TLK1: variants seen among roughly 807,000 people sequenced by gnomAD.
TLK1 encodes the protein serine/threonine-protein kinase tousled-like 1.
In TLK1, 24 loss-of-function variants were observed where a neutral mutation model predicts 105.3. The observed-to-expected ratio is 0.23, with a 90% confidence interval of 0.17 to 0.32. The LOEUF is 0.32. Ranked by LOEUF, TLK1 falls within the 10% of genes least tolerant of loss-of-function variation. The pLI is 1.00. For missense variants in TLK1, 558 were observed against 910.5 expected (o/e 0.61, Z 4.98); for synonymous variants, 321 against 310.4 (o/e 1.03, Z -0.36).
chr2:171,079,063 T>C (rs1363319033), intron 3 of TLK1, among the ~76,000 whole-genome samples: 1 of 152,232 alleles, frequency 6.6e-6, no homozygotes, highest in Admixed American at 6.5e-5. Context: ...GTGGAATCAC[T>C]GAAGCAGCTG....
At chr2:171,224,730 A>G (rs1182228630) in intron 1 of TLK1, among the ~76,000 whole-genome samples, 3 of 152,168 alleles carry the variant, frequency 2.0e-5, no homozygotes, top group Non-Finnish European at 4.4e-5. Flanking sequence ...ATGGAAATGC[A>G]AGAGACCCAG....
chr2:171,019,520 GA>G (rs1685378084), intron 12 of TLK1, among the ~76,000 whole-genome samples: 1 of 152,120 alleles, frequency 6.6e-6, no homozygotes, highest in Admixed American at 6.5e-5. Context: ...TACATTTCCT[GA>G]AAAAATTAAA....
intron 1 of TLK1, among the ~76,000 whole-genome samples, chr2:171,225,970 ATTAGGTTTGT>A (rs991766020): frequency 6.6e-6 from 1 of 151,996 alleles, no homozygotes; most frequent in African/African-American, 2.4e-5. Flanking sequence ...ATTTTCTGGT[ATTAGGTTTGT>A]TTTTTTTTAA....
At chr2:171,007,667 C>G (rs1185148338) in intron 14 of TLK1, among the ~76,000 whole-genome samples, 1 of 152,016 alleles carries the variant, frequency 6.6e-6, no homozygotes, top group East Asian at 1.9e-4. Context: ...CCCTAGTACC[C>G]TTGCATCCCA....
intron 2 of TLK1, among the ~76,000 whole-genome samples, chr2:171,102,978 G>A (rs1255535445): frequency 6.6e-6 from 1 of 152,148 alleles, no homozygotes; most frequent in East Asian, 1.9e-4. Flanking sequence ...AAGGGGCAGT[G>A]ACAAAGGTAT....
intron 1 of TLK1, among the ~76,000 whole-genome samples, chr2:171,169,162 T>C (rs759425624): frequency 6.6e-6 from 1 of 152,046 alleles, no homozygotes; most frequent in Non-Finnish European, 1.5e-5. Context: ...TTAGAAAAAA[T>C]GTGTCTGTGC....
Position 170,997,741 on chromosome 2 carries a change from T to C in TLK1, c.1987A>G (p.Ile663Val), listed in dbSNP as rs774116091. The C allele has an allele frequency of 3.1e-6, 5 of 1,609,310 alleles. No individual in the cohort carries two copies. The highest frequency in any genetic ancestry group is 4.2e-6 in the Non-Finnish European group (5 of 1,177,286). ...NKVDVWSVGV[I>V]FFQCLYGRKP... is the part of the protein sequence containing the mutation. ...CTACCATAAAGACACTGAAAGAAGA[T>C]GACTCCAACCGACCATACATCAACC... The change falls in exon 19 of 21, where the codon ATC becomes GTC. Residue 663 changes from isoleucine (I) to valine (V), a missense_variant. Coordinates refer to ENST00000431350, the MANE Select transcript of TLK1 (RefSeq NM_012290.5).
At chr2:171,213,206 CTTTTCT>C (rs958948808) in intron 1 of TLK1, among the ~76,000 whole-genome samples, 3 of 144,502 alleles carry the variant, frequency 2.1e-5, no homozygotes, top group Admixed American at 7.2e-5. Flanking sequence ...CTTTTCTTTT[CTTTTCT>C]TTTTTTTTTT....
At chr2:171,166,188 G>A (rs1273572164) in intron 1 of TLK1, among the ~76,000 whole-genome samples, 1 of 152,212 alleles carries the variant, frequency 6.6e-6, no homozygotes, top group African/African-American at 2.4e-5. Context: ...TGCTCCCATC[G>A]TACATTTGTC....
Position 171,052,101 on chromosome 2 carries a change from T to TA in TLK1, c.732+1659dup, listed in dbSNP as rs200336454. On this transcript the variant is annotated intron_variant, in intron 8 of 20. Coordinates refer to ENST00000431350, the MANE Select transcript of TLK1 (RefSeq NM_012290.5). ...CCTGTAGACTCCCAGCTCTACAAAA[T>TA]AAAAAAAAATCAGCCCGGAGTGATG... Among the ~76,000 whole-genome samples the TA allele has an allele frequency of 8.3e-3, 1,252 of 150,932 alleles. 19 individuals are homozygous for TA. The highest frequency in any genetic ancestry group is 0.028 in the African/African-American group (1,161 of 41,134).
At chr2:171,028,266 G>A (rs1180944430) in intron 12 of TLK1, 73 bp downstream of exon 12, 3 of 1,115,918 alleles carry the variant, frequency 2.7e-6, no homozygotes, top group Admixed American at 1.8e-5. Flanking sequence ...TTTAAAATAA[G>A]TGACTTATAA....
intron 2 of TLK1, among the ~76,000 whole-genome samples, chr2:171,102,091 G>C (rs1015914838): frequency 2.6e-5 from 4 of 152,072 alleles, no homozygotes; most frequent in African/African-American, 9.7e-5. Flanking sequence ...ACATTATACA[G>C]ACTGCATTGC....
chr2:171,000,143 C>T (rs368607910), intron 18 of TLK1, among the ~76,000 whole-genome samples: 6 of 151,856 alleles, frequency 4.0e-5, no homozygotes, highest in South Asian at 2.1e-4. Context: ...TTTGGGAGGC[C>T]GAGACGGGTA....
At chr2:171,016,670 T>C (rs1000204652) in intron 12 of TLK1, among the ~76,000 whole-genome samples, 13 of 152,214 alleles carry the variant, frequency 8.5e-5, no homozygotes, top group Non-Finnish European at 1.5e-4. Context: ...ATATTATCAT[T>C]TCATTCAAAG....
chr2:171,190,112 T>C (rs1157983978), intron 1 of TLK1, among the ~76,000 whole-genome samples: 1 of 152,216 alleles, frequency 6.6e-6, no homozygotes, highest in Non-Finnish European at 1.5e-5. Flanking sequence ...ATATGACTTT[T>C]CTTTTCCATT....
chr2:171,082,585 T>A (rs1688801707), intron 3 of TLK1, among the ~76,000 whole-genome samples, 196 bp downstream of exon 3: 1 of 152,238 alleles, frequency 6.6e-6, no homozygotes, highest in Non-Finnish European at 1.5e-5. Context: ...CCAAAGAAAT[T>A]ATATTTTCTT....
intron 12 of TLK1, among the ~76,000 whole-genome samples, chr2:171,019,196 GA>G (rs1685355801): frequency 6.6e-6 from 1 of 152,058 alleles, no homozygotes; most frequent in South Asian, 2.1e-4. Context: ...CTTCAGCATA[GA>G]AATGCTTTCT....
At chr2:171,186,198 T>A (rs1693021888) in intron 1 of TLK1, among the ~76,000 whole-genome samples, 1 of 152,238 alleles carries the variant, frequency 6.6e-6, no homozygotes, top group Non-Finnish European at 1.5e-5. Flanking sequence ...GTTGGATTAT[T>A]TTGATAGGAA....
At chr2:171,178,169 T>C (rs1371321713) in intron 1 of TLK1, among the ~76,000 whole-genome samples, 1 of 152,214 alleles carries the variant, frequency 6.6e-6, no homozygotes, top group Non-Finnish European at 1.5e-5. Flanking sequence ...AATATGCTCC[T>C]GTCAATAAAC....
Sources: gnomAD v4.1 joint callset for allele counts (sites outside exome capture counted in the v4.1 genomes callset) on GRCh38, gnomAD v4.1.1 for gene constraint, MANE v1.5 for transcripts, NCBI Gene and HGNC (gene_info 2026-07-23, HGNC 2026-07-21) for gene names.